NGEF: variants seen among roughly 807,000 people sequenced by gnomAD.
The protein encoded by NGEF is ephexin-1.
NGEF carries 31 observed loss-of-function variants against 80.9 expected under a neutral mutation model. That is an observed-to-expected ratio of 0.38 (90% confidence interval 0.29 to 0.52). The LOEUF is 0.52. NGEF is among the 20% of genes least tolerant of loss of function. The pLI, the probability that NGEF is intolerant of heterozygous loss-of-function variation, is 0.84. For missense variants in NGEF, 709 were observed against 926.2 expected, an observed-to-expected ratio of 0.77 and a Z score of 3.04; for synonymous variants, 371 against 370.2, an observed-to-expected ratio of 1.00 and a Z score of -0.03.
At chr2:232,958,564 CTA>C (rs143146994) in intron 3 of NGEF, among the ~76,000 whole-genome samples, 1 of 152,154 alleles carries the variant, frequency 6.6e-6, no homozygotes, top group East Asian at 1.9e-4. Context: ...TGGCATGGTC[CTA>C]TGTTTGAGGA....
chr2:232,920,100 G>T (rs1429981564), intron 5 of NGEF, among the ~76,000 whole-genome samples, 184 bp downstream of exon 5: 1 of 152,186 alleles, frequency 6.6e-6, no homozygotes, highest in East Asian at 1.9e-4. Context: ...GAAGGTAGCT[G>T]GGTGTCTCTT....
At chr2:232,948,133 A>C (rs186535304) in intron 3 of NGEF, among the ~76,000 whole-genome samples, 1 of 144,750 alleles carries the variant, frequency 6.9e-6, no homozygotes, top group African/African-American at 2.6e-5. Flanking sequence ...GGGTCATTTG[A>C]ATATAGCCTG....
chr2:232,894,255 C>T (rs1306983190), intron 6 of NGEF, among the ~76,000 whole-genome samples: 1 of 152,262 alleles, frequency 6.6e-6, no homozygotes, highest in African/African-American at 2.4e-5. Context: ...GGAAGCACAG[C>T]TCCCAGAGCT....
At chr2:232,977,778 G>A (rs1333151471) in intron 1 of NGEF, among the ~76,000 whole-genome samples, 6 of 152,242 alleles carry the variant, frequency 3.9e-5, no homozygotes, top group African/African-American at 9.6e-5. Flanking sequence ...CACAGGCGGG[G>A]TGGTGGGGGA....
At position 232,990,631 on chromosome 2, in the gene NGEF, G is replaced by A. The variant is rs554273332; in HGVS notation, c.-74-15667C>T. ...TCATTAAATGTTACAATAATAAAAG[G>A]AATGTGGTATTGGTACAAAGTAGTT... On this transcript the variant is annotated intron_variant, in intron 1 of 14. Transcript: ENST00000264051. Among the ~76,000 whole-genome samples, 5 of 152,068 alleles carry A rather than the reference G, an allele frequency of 3.3e-5. No individual in the cohort carries two copies. In the South Asian group the frequency reaches 1.0e-3, roughly 32 times the overall value.
intron 1 of NGEF, among the ~76,000 whole-genome samples, chr2:232,981,060 A>G (rs968329731): frequency 8.6e-5 from 13 of 151,378 alleles, no homozygotes; most frequent in African/African-American, 1.9e-4. Context: ...CTGCCTCTCA[A>G]CTAGGGGAAT....
At chr2:232,978,158 CTTTT>C (rs113485504) in intron 1 of NGEF, among the ~76,000 whole-genome samples, 1 of 149,450 alleles carries the variant, frequency 6.7e-6, no homozygotes, top group Non-Finnish European at 1.5e-5. Flanking sequence ...CTAACATGAA[CTTTT>C]TTTTTTTTTG....
chr2:232,888,171 T>C, intron 8 of NGEF, 64 bp from the exon 9 acceptor site: 2 of 1,293,222 alleles, frequency 1.5e-6, no homozygotes, highest in Non-Finnish European at 2.2e-6. Flanking sequence ...ATTTCCCACC[T>C]TGACCGTGAC....
At chr2:232,973,685 T>C (rs1353354706) in intron 2 of NGEF, among the ~76,000 whole-genome samples, 1 of 152,116 alleles carries the variant, frequency 6.6e-6, no homozygotes, top group Non-Finnish European at 1.5e-5. Context: ...AGTGAGGCTG[T>C]CCTCCACCTT....
intron 3 of NGEF, among the ~76,000 whole-genome samples, chr2:232,953,193 T>C (rs1383917994): frequency 2.1e-5 from 3 of 141,492 alleles, no homozygotes; most frequent in Non-Finnish European, 3.0e-5. Context: ...TCCTAGCTAG[T>C]GGGGAGACTG....
chr2:232,913,330 A>G lies in NGEF; in HGVS notation c.828+6954T>C, dbSNP rs573928950. Among the ~76,000 whole-genome samples the G allele has an allele frequency of 9.2e-5, 14 of 152,302 alleles. No homozygotes were observed. The East Asian group carries it at 2.5e-3, about 27-fold the overall frequency. ...TGTTACCGATTTCTAGTGTAATTCC[A>G]TTAGGGTCAGAGAACATACTTTCTA... On this transcript the variant is annotated intron_variant, in intron 5 of 14. Transcript: ENST00000264051.
intron 1 of NGEF, among the ~76,000 whole-genome samples, chr2:232,992,115 A>G (rs1427253690): frequency 6.6e-6 from 1 of 152,228 alleles, no homozygotes; most frequent in Non-Finnish European, 1.5e-5. Context: ...GGGTAAAACC[A>G]TAAAACTCTT....
chr2:232,888,381 AACATGCATACAAGCACACGTGCAC>A (rs1344782148), intron 8 of NGEF, among the ~76,000 whole-genome samples: 1 of 152,108 alleles, frequency 6.6e-6, no homozygotes, highest in Non-Finnish European at 1.5e-5. Flanking sequence ...ACCGTGTAGA[AACATGCATACAAGCACACGTGCAC>A]ACATGCATGC....
intron 1 of NGEF, among the ~76,000 whole-genome samples, chr2:232,979,796 G>T (rs1017729153): frequency 3.3e-5 from 5 of 151,640 alleles, no homozygotes; most frequent in African/African-American, 1.2e-4. Flanking sequence ...ACAGGACTTG[G>T]TCTGTTTGGG....
chr2:232,912,031 A>G (rs915147925), intron 5 of NGEF, among the ~76,000 whole-genome samples: 19 of 152,094 alleles, frequency 1.2e-4, no homozygotes, highest in African/African-American at 4.6e-4. Flanking sequence ...TTTCACAATG[A>G]TGTTGAATAG....
chr2:232,891,400 G>A lies in NGEF; in HGVS notation c.1230C>T (p.Ile410=). Residue 410 remains isoleucine, a synonymous_variant, in exon 8 of 15, where the codon ATC becomes ATT. Coordinates refer to ENST00000264051, the MANE Select transcript of NGEF (RefSeq NM_019850.3). ...CRGLPFSSFL[I]LPFQRITRLK... ...GGCGTGTGATCCTCTGGAAAGGCAG[G>A]ATGAGGAAGGAGGAGAAGGGCAGCC... 1 of 1,613,672 alleles carries A rather than the reference G, an allele frequency of 6.2e-7. No homozygotes were observed. The highest frequency in any genetic ancestry group is 8.5e-7 in the Non-Finnish European group (1 of 1,179,976).
chr2:232,907,213 CAT>C (rs1692587666), intron 5 of NGEF, among the ~76,000 whole-genome samples: 1 of 83,638 alleles, frequency 1.2e-5, no homozygotes, highest in Admixed American at 1.1e-4. Context: ...AGGAGGAAAA[CAT>C]ACTATAGCAT....
intron 4 of NGEF, among the ~76,000 whole-genome samples, chr2:232,923,064 C>G (rs953355249): frequency 6.8e-6 from 1 of 146,728 alleles, no homozygotes; most frequent in Admixed American, 6.8e-5. Context: ...CAGCGAAACT[C>G]CATCTCAGAA....
chr2:232,955,391 T>C (rs58452179), intron 3 of NGEF, among the ~76,000 whole-genome samples: 27,273 of 152,142 alleles, frequency 0.18, 6,898 homozygotes, highest in African/African-American at 0.56. Context: ...TTCAGCTTTT[T>C]GCTATTGTCT....
Sources: allele counts gnomAD v4.1 joint callset (sites outside exome capture counted in the v4.1 genomes callset), GRCh38; gene constraint gnomAD v4.1.1; transcripts MANE v1.5; gene names NCBI Gene and HGNC (gene_info 2026-07-23, HGNC 2026-07-21).